NOS1: variants seen among roughly 807,000 people sequenced by gnomAD.
NOS1 encodes the protein nitric oxide synthase 1.
In NOS1, 51 loss-of-function variants were observed where a neutral mutation model predicts 164.5. That is an observed-to-expected ratio of 0.31 (90% CI 0.25 to 0.39). The LOEUF (loss-of-function observed/expected upper bound fraction) is 0.39. NOS1 is among the 10% of genes least tolerant of loss of function. The pLI is 1.00. For synonymous variants in NOS1, 719 were observed against 745.8 expected (o/e 0.96, Z 0.59); for missense variants, 1,362 against 1,885.6 (o/e 0.72, Z 5.14).
chr12:117,212,257 T>G lies in NOS1; in HGVS notation c.*3052A>C. ...TGGGCATTGTCTCATTCAATCCACC[T>G]TGTTATACAGGTGGGTATGCAGACT... On this transcript the variant is annotated 3_prime_UTR_variant, in exon 29 of 29. Transcript: ENST00000317775. 4.1e-6 allele frequency: 4 copies of G among 985,386 alleles called. No individual in the cohort carries two copies. Among genetic ancestry groups the G allele is most frequent in the Non-Finnish European group, 4.8e-6 (4 of 829,930 alleles). 61.0% of individuals were successfully genotyped at this position (985,386 alleles called of 1,614,324 possible). A position where few individuals can be genotyped will look rare whatever the true frequency, so the allele number is the denominator to read the frequency against.
intron 1 of NOS1, among the ~76,000 whole-genome samples, chr12:117,337,633 GT>G (rs1875900474): frequency 6.6e-6 from 1 of 152,144 alleles, no homozygotes; most frequent in Non-Finnish European, 1.5e-5. Flanking sequence ...GACAAAGAGG[GT>G]TTGCAAATAT....
In NOS1 at chr12:117,235,430, G is replaced by A. The variant is rs550758819; in HGVS notation, c.3042-672C>T. ...GTCTAGCACTTCACTGGGACCACAG[G>A]CTGTGGCATCCCCAATCTGTGAAAT... On this transcript the variant is annotated intron_variant, in intron 20 of 28. Transcript: ENST00000317775. 2.4e-4 allele frequency among the ~76,000 whole-genome samples: 36 copies of A among 152,186 alleles called. 1 individual carries two copies. Among genetic ancestry groups the A allele is most frequent in the Middle Eastern group, 6.8e-3 (2 of 294 alleles).
intron 1 of NOS1, among the ~76,000 whole-genome samples, chr12:117,353,637 G>T (rs1002242438): frequency 2.0e-5 from 3 of 152,188 alleles, no homozygotes; most frequent in African/African-American, 7.2e-5. Context: ...AGGTGTCAAG[G>T]GTTCTTGCGA....
At chr12:117,351,872 C>G (rs547000582) in intron 1 of NOS1, among the ~76,000 whole-genome samples, 30 of 152,332 alleles carry the variant, frequency 2.0e-4, no homozygotes, top group African/African-American at 7.0e-4. Flanking sequence ...CTCCATCATC[C>G]AGAGGGGTCT....
At chr12:117,232,493 C>A (rs9658490) in intron 21 of NOS1, among the ~76,000 whole-genome samples, 47 of 152,154 alleles carry the variant, frequency 3.1e-4, no homozygotes, top group South Asian at 1.7e-3. Flanking sequence ...CCTCTCACCC[C>A]CTGAATGGGA....
In NOS1 at chr12:117,330,689, A is replaced by G; in HGVS notation, c.381T>C (p.Gly127=). 2 of 1,612,278 alleles carry G rather than the reference A, an allele frequency of 1.2e-6. No individual in the cohort carries two copies. Among genetic ancestry groups the G allele is most frequent in the East Asian group, 2.2e-5 (1 of 44,778 alleles). Residue 127 remains glycine, a synonymous_variant, in exon 2 of 29, where the codon GGT becomes GGC. Coordinates refer to ENST00000317775, the MANE Select transcript of NOS1 (RefSeq NM_000620.5). The surrounding 1 kb of genome is among the most constrained non-coding windows in gnomAD (Gnocchi z 4.6). ...PKTIRVTQPL[G]PPTKAVDLSH... is the part of the protein sequence containing the mutation. ...ACAGATCCACGGCTTTGGTGGGGGG[A>G]CCCAGGGGCTGTGTCACCCGGATGG... is the stretch of plus-strand genomic sequence containing the variant.
At chr12:117,322,626 T>C in intron 2 of NOS1, among the ~76,000 whole-genome samples, 1 of 114,760 alleles carries the variant, frequency 8.7e-6, no homozygotes, top group African/African-American at 3.4e-5. Context: ...TCCTACCCTC[T>C]CTCATTCCTT....
rs9658318 is a variant in NOS1 at position 117,297,766 on chromosome 12, A to G, written c.853-7340T>C. Among the ~76,000 whole-genome samples the G allele has an allele frequency of 4.3e-3, 650 of 152,208 alleles. 6 individuals are homozygous for G. The highest frequency in any genetic ancestry group is 0.014 in the Middle Eastern group (4 of 294). On this transcript the variant is annotated intron_variant, in intron 3 of 28. Transcript: ENST00000317775. ...GGCAGTGGACAGAGGGAGATTTTTT[A>G]GGCAAGAAGACAGAAACTCAGCACC...
chr12:117,258,950 G>T, intron 15 of NOS1, 76 bp downstream of exon 15: 1 of 980,978 alleles, frequency 1.0e-6, no homozygotes, highest in Non-Finnish European at 1.6e-6. Flanking sequence ...GCAGGTGTAG[G>T]AAGAGTCTCA....
rs1430956967 is a variant in NOS1 at position 117,265,953 on chromosome 12, G to C, written c.1942-443C>G. Reference sequence around the variant, plus strand: ...CTACAGGCGCCCGCCACCACGCCTGGCTAATTTTTTTTTTTTTTGTATTTT... The same window carrying C: ...CTACAGGCGCCCGCCACCACGCCTGCCTAATTTTTTTTTTTTTTGTATTTT... On this transcript the variant is annotated intron_variant, in intron 11 of 28. Transcript: ENST00000317775. 7.4e-5 allele frequency among the ~76,000 whole-genome samples: 7 copies of C among 94,902 alleles called. No individual in the cohort carries two copies. The South Asian group carries it at 2.9e-3, about 39-fold the overall frequency. 62.3% of individuals were successfully genotyped at this position (94,902 alleles called of 152,430 possible).
intron 24 of NOS1, among the ~76,000 whole-genome samples, chr12:117,225,863 A>G (rs964209277): frequency 1.3e-5 from 2 of 152,108 alleles, no homozygotes; most frequent in African/African-American, 4.8e-5. Context: ...TCCTGACCTC[A>G]AGTGATCTGC....
At chr12:117,277,347 G>A (rs567622249) in intron 9 of NOS1, among the ~76,000 whole-genome samples, 1 of 152,162 alleles carries the variant, frequency 6.6e-6, no homozygotes, top group African/African-American at 2.4e-5. Context: ...CACTTTGGGA[G>A]GCTGAGGTGG....
Position 117,210,012 on chromosome 12 carries a change from A to T in NOS1, c.*5297T>A. 1.0e-6 allele frequency: 1 copy of T among 974,182 alleles called. No homozygotes were observed. Among genetic ancestry groups the T allele is most frequent in the Non-Finnish European group, 1.2e-6 (1 of 819,890 alleles). The allele number at this position is 974,182 out of a possible 1,614,324, so 60.3% of individuals were successfully genotyped here. A position where few individuals can be genotyped will look rare whatever the true frequency, so the allele number is the denominator to read the frequency against. On this transcript the variant is annotated 3_prime_UTR_variant, in exon 29 of 29. Coordinates refer to ENST00000317775, the MANE Select transcript of NOS1 (RefSeq NM_000620.5). Reference sequence around the variant, plus strand: ...TTTAGAGACAGGGTCTTGCTCTGTCACTCAGGCTGGAGTGCAGTGGTGCGA... The same window carrying T: ...TTTAGAGACAGGGTCTTGCTCTGTCTCTCAGGCTGGAGTGCAGTGGTGCGA...
intron 26 of NOS1, among the ~76,000 whole-genome samples, chr12:117,221,437 C>T (rs563885875): frequency 1.3e-5 from 2 of 151,818 alleles, no homozygotes; most frequent in South Asian, 2.1e-4. Flanking sequence ...GAATGTGCCA[C>T]CGCGCCCAGC....
At position 117,243,178 on chromosome 12, in the gene NOS1, T is replaced by C; in HGVS notation, c.2962+119A>G. The C allele has an allele frequency of 8.2e-7, 1 of 1,213,742 alleles. No individual in the cohort carries two copies. The highest frequency in any genetic ancestry group is 1.5e-5 in the South Asian group (1 of 67,684). The allele number at this position is 1,213,742 out of a possible 1,614,324, so 75.2% of individuals were successfully genotyped here. On this transcript the variant is annotated intron_variant, in intron 19 of 28. Coordinates refer to ENST00000317775, the MANE Select transcript of NOS1 (RefSeq NM_000620.5). This position sits in a 1 kb window ranked among gnomAD's most constrained non-coding sequence, Gnocchi z 4.3. ...AGCAAAGTATTCATTTTGGTAGGAC[T>C]GCACTAAAGGGAGATCAAAGCAATG...
chr12:117,321,834 G>A (rs2136065084), intron 2 of NOS1, among the ~76,000 whole-genome samples: 2 of 152,176 alleles, frequency 1.3e-5, no homozygotes, highest in South Asian at 4.1e-4. Flanking sequence ...ACTAGCGTGA[G>A]TCCTCGAAGC....
At chr12:117,303,353 C>T (rs1443169227) in intron 3 of NOS1, among the ~76,000 whole-genome samples, 1 of 152,092 alleles carries the variant, frequency 6.6e-6, no homozygotes, top group Non-Finnish European at 1.5e-5. Context: ...CTGTCATTTA[C>T]CTGGAAATAG....
chr12:117,265,541 G>T (rs987319605), intron 11 of NOS1, 31 bp from the exon 12 acceptor site: 1 of 1,428,390 alleles, frequency 7.0e-7, no homozygotes, highest in Non-Finnish European at 9.3e-7. Flanking sequence ...GGGGTCAGGA[G>T]GTATGAGAAG....
chr12:117,225,410 G>A (rs9658510), intron 24 of NOS1, among the ~76,000 whole-genome samples: 378 of 152,122 alleles, frequency 2.5e-3, no homozygotes, highest in African/African-American at 8.7e-3. Flanking sequence ...CTCTACGCTG[G>A]CACCCTGGTC....
Sources: allele counts gnomAD v4.1 joint callset (sites outside exome capture counted in the v4.1 genomes callset), GRCh38; gene constraint gnomAD v4.1.1; non-coding constraint Gnocchi (gnomAD v3.1); transcripts MANE v1.5; gene names NCBI Gene and HGNC (gene_info 2026-07-23, HGNC 2026-07-21).